Variants in CEP295NL observed in about 807,000 individuals in gnomAD.
CEP295NL encodes the protein protein DDC8 homolog.
A neutral mutation model predicts 4.6 loss-of-function variants in CEP295NL; 3 were observed. The observed-to-expected ratio is 0.65, with a 90% CI of 0.30 to 1.69. CEP295NL has a LOEUF of 1.69. Among genes scored for constraint, CEP295NL ranks in the 40% most tolerant of loss-of-function variants. The pLI is 0.10. For missense variants in CEP295NL, 719 were observed against 769.0 expected (o/e 0.93, Z 0.77); for synonymous variants, 295 against 312.2 (o/e 0.94, Z 0.58).
chr17:78,894,280 C>G (rs2069964157), intron 2 of CEP295NL, among the ~76,000 whole-genome samples: 1 of 151,974 alleles, frequency 6.6e-6, no homozygotes, highest in African/African-American at 2.4e-5. Context: ...GTGGCAGAGA[C>G]AGGCCCTCTG....
chr17:78,891,819 G>T lies in CEP295NL; in HGVS notation c.685C>A (p.Pro229Thr). 3.9e-6 allele frequency: 6 copies of T among 1,550,894 alleles called. No individual in the cohort carries two copies. Among genetic ancestry groups the T allele is most frequent in the Non-Finnish European group, 5.2e-6 (6 of 1,147,052 alleles). Reference sequence around the variant, plus strand: ...CGGCCACCCCCAGACTTGGTCGAAGGTTCTGGCCTTCCCTTTCTCTTCTCA... The same window carrying T: ...CGGCCACCCCCAGACTTGGTCGAAGTTTCTGGCCTTCCCTTTCTCTTCTCA... ...PPEKRKGRPE[P>T]STKSGGGRCA... Residue 229 changes from proline to threonine, a missense_variant, in exon 3 of 3, where the codon CCT (proline) becomes ACT (threonine). By Grantham distance (38) the Pro-to-Thr change is conservative. Transcript: ENST00000322630. This position sits in a 1 kb window ranked among gnomAD's most constrained non-coding sequence, Gnocchi z 4.5.
rs925617526 is a variant in CEP295NL, at chr17:78,891,865, C to G, written c.639G>C (p.Met213Ile). 6.4e-7 allele frequency: 1 copy of G among 1,550,564 alleles called. No individual in the cohort carries two copies. Among genetic ancestry groups the G allele is most frequent in the Non-Finnish European group, 8.7e-7 (1 of 1,147,020 alleles). Residue 213 changes from methionine to isoleucine, a missense_variant, in exon 3 of 3, where the codon ATG becomes ATC. Physicochemically the swap from Met to Ile is conservative, Grantham distance 10 (BLOSUM62 1). Transcript: ENST00000322630. This position sits in a 1 kb window ranked among gnomAD's most constrained non-coding sequence, Gnocchi z 4.5. The part of the protein sequence containing the change: ...KPQTTKATGR[M>I]NSHLAPPEKR... ...TCTCAGGCGGGGCCAGGTGAGAATT[C>G]ATCCGACCCGTGGCTTTTGTAGTCT...
chr17:78,899,895 T>A (rs1321088041), intron 2 of CEP295NL: 3 of 152,208 alleles, frequency 2.0e-5, no homozygotes, highest in African/African-American at 7.2e-5. Flanking sequence ...GCTTTGTCTT[T>A]GAAACATAAA....
Position 78,891,210 on chromosome 17 carries a change from T to A in CEP295NL, c.1294A>T (p.Asn432Tyr). ...DLKTFMGKAQ[N>Y]QKYQGTVKPT... ...TTGACCGTGCCCTGATATTTTTGGT[T>A]CTGGGCCTTGCCCATGAACGTTTTC... The change falls in exon 3 of 3, where the codon AAC becomes TAC. Residue 432 changes from asparagine (N) to tyrosine (Y), a missense_variant. Coordinates refer to ENST00000322630, the MANE Select transcript of CEP295NL (RefSeq NM_001243540.2). The surrounding 1 kb of genome is among the most constrained non-coding windows in gnomAD (Gnocchi z 4.5). 1 of 1,550,710 alleles carries A rather than the reference T, an allele frequency of 6.4e-7. No individual in the cohort carries two copies. The highest frequency in any genetic ancestry group is 8.7e-7 in the Non-Finnish European group (1 of 1,147,020).
Position 78,891,352 on chromosome 17 carries a change from C to T in CEP295NL, c.1152G>A (p.Glu384=). ...GEGHAFSEMQ[E]CGAGTPRGKK... ...TCCCTCTTGGGGTCCCAGCGCCACA[C>T]TCTTGCATCTCTGAGAAGGCATGCC... The change falls in exon 3 of 3, where the codon GAG becomes GAA. Residue 384 remains glutamate, a synonymous_variant. Coordinates refer to ENST00000322630, the MANE Select transcript of CEP295NL (RefSeq NM_001243540.2). This position sits in a 1 kb window ranked among gnomAD's most constrained non-coding sequence, Gnocchi z 4.5. 4 of 1,550,550 alleles carry T rather than the reference C, an allele frequency of 2.6e-6. No individual in the cohort carries two copies. The highest frequency in any genetic ancestry group is 3.5e-6 in the Non-Finnish European group (4 of 1,146,990).
intron 2 of CEP295NL, among the ~76,000 whole-genome samples, chr17:78,901,435 G>A (rs919538775): frequency 6.6e-6 from 1 of 152,140 alleles, no homozygotes; most frequent in African/African-American, 2.4e-5. Context: ...GACAGTTCTC[G>A]GGAGAGGAGG....
At chr17:78,892,505 G>T in intron 2 of CEP295NL, 46 bp from the exon 3 acceptor site, 1 of 1,504,222 alleles carries the variant, frequency 6.6e-7, no homozygotes, top group Non-Finnish European at 8.9e-7. Flanking sequence ...TCGCTCCCAG[G>T]AGAGTGAGCA....
intron 2 of CEP295NL, among the ~76,000 whole-genome samples, chr17:78,894,183 C>T (rs1047411627): frequency 4.0e-5 from 6 of 151,398 alleles, no homozygotes; most frequent in Admixed American, 2.0e-4. Context: ...CTTTGAGATA[C>T]GAAGCTCCTA....
rs2070101351 is a variant in CEP295NL at position 78,902,028 on chromosome 17, TG to T, written c.-98-103del. ...TCTAAAAATACCCTCCATGACACGCTGTGTGCTGCCAGAGGCTTGGTTTTCG... is the reference window on the plus strand; with the variant it reads ...TCTAAAAATACCCTCCATGACACGCTTGTGCTGCCAGAGGCTTGGTTTTCG... On this transcript the variant is annotated intron_variant, in intron 1 of 2. Coordinates refer to ENST00000322630, the MANE Select transcript of CEP295NL (RefSeq NM_001243540.2). The T allele has an allele frequency of 5.5e-6, 3 of 549,114 alleles. No individual in the cohort carries two copies. The South Asian group carries it at 6.9e-5, about 13-fold the overall frequency. The allele number at this position is 549,114 out of a possible 1,614,324, so 34.0% of individuals were successfully genotyped here.
At chr17:78,897,558 A>C (rs375119725) in intron 2 of CEP295NL, 2 of 152,198 alleles carry the variant, frequency 1.3e-5, no homozygotes, top group East Asian at 3.9e-4. Flanking sequence ...ACAGTGGGTG[A>C]CTCTCAATGT....
In CEP295NL at chr17:78,896,931, G is replaced by T; in HGVS notation, c.45-4472C>A. 1 of 985,362 alleles carries T rather than the reference G, an allele frequency of 1.0e-6. No homozygotes were observed. The allele number at this position is 985,362 out of a possible 1,614,324, so 61.0% of individuals were successfully genotyped here. A position where few individuals can be genotyped will look rare whatever the true frequency, so the allele number is the denominator to read the frequency against. ...TGTGCTTGGCCACCAGATTCCCAGC[G>T]ATTCTCACCAAAGTCAGGCAACCTC... On this transcript the variant is annotated intron_variant, in intron 2 of 2. Coordinates refer to ENST00000322630, the MANE Select transcript of CEP295NL (RefSeq NM_001243540.2). The surrounding 1 kb of genome is among the most constrained non-coding windows in gnomAD (Gnocchi z 4.4).
chr17:78,897,407 C>T (rs1204135037), intron 2 of CEP295NL: 7 of 152,242 alleles, frequency 4.6e-5, no homozygotes. Context: ...TGGCCGCCCA[C>T]CCCAGTCCCC....
intron 2 of CEP295NL, among the ~76,000 whole-genome samples, chr17:78,893,943 T>A (rs2069958872): frequency 6.6e-6 from 1 of 152,140 alleles, no homozygotes; most frequent in Non-Finnish European, 1.5e-5. Context: ...CAGGAAAGGC[T>A]AAGGGACAGC....
chr17:78,893,871 G>C (rs1317058552), intron 2 of CEP295NL, among the ~76,000 whole-genome samples: 3 of 152,144 alleles, frequency 2.0e-5, no homozygotes, highest in Non-Finnish European at 4.4e-5. Flanking sequence ...CACCAAAACA[G>C]TACGGGATTG....
chr17:78,892,760 G>C (rs375183654), intron 2 of CEP295NL, among the ~76,000 whole-genome samples: 2 of 152,060 alleles, frequency 1.3e-5, no homozygotes, highest in South Asian at 2.1e-4. Context: ...GAGGTGCTCC[G>C]GGCCTGCAGC....
chr17:78,891,017 ACT>A lies in CEP295NL; in HGVS notation c.1485_1486del (p.Arg495SerfsTer26). ...CCTTTGCCTGGATGCCGTCGAGCCC[ACT>A]CTGTCTGCCTGGTCTTGAAGGTGGA... On this transcript the variant is annotated frameshift_variant, in exon 3 of 3. Transcript: ENST00000322630. LOFTEE classifies it low-confidence loss of function (END_TRUNC). This position sits in a 1 kb window ranked among gnomAD's most constrained non-coding sequence, Gnocchi z 4.5. 2.6e-6 allele frequency: 4 copies of A among 1,550,754 alleles called. No homozygotes were observed. The highest frequency in any genetic ancestry group is 2.7e-5 in the African/African-American group (2 of 72,980).
chr17:78,892,288 T>A lies in CEP295NL; in HGVS notation c.216A>T (p.Glu72Asp). 1 of 1,550,762 alleles carries A rather than the reference T, an allele frequency of 6.4e-7. No homozygotes were observed. Among genetic ancestry groups the A allele is most frequent in the Non-Finnish European group, 8.7e-7 (1 of 1,147,032 alleles). ...TGTGCTTTTTCCTCCAAAGCAGGTCTTCGTTATCAGGACAGAGGCTCAGCC... is the reference window on the plus strand; with the variant it reads ...TGTGCTTTTTCCTCCAAAGCAGGTCATCGTTATCAGGACAGAGGCTCAGCC... ...AMWLSLCPDN[E>D]DLLWRKKHKL... Residue 72 changes from glutamate to aspartate, a missense_variant, in exon 3 of 3, where the codon GAA becomes GAT. By Grantham distance (45) the Glu-to-Asp change is conservative. Transcript: ENST00000322630.
chr17:78,892,589 G>T, intron 2 of CEP295NL, 130 bp from the exon 3 acceptor site: 1 of 1,401,076 alleles, frequency 7.1e-7, no homozygotes, highest in Non-Finnish European at 9.5e-7. Flanking sequence ...AAGCTCTCTT[G>T]ACCCGTGCCC....
At chr17:78,895,016 C>A (rs1482536275) in intron 2 of CEP295NL, among the ~76,000 whole-genome samples, 1 of 152,158 alleles carries the variant, frequency 6.6e-6, no homozygotes, top group Non-Finnish European at 1.5e-5. Flanking sequence ...TGTGGCAGCT[C>A]ACACCTGTAA....
Sources: gnomAD v4.1 joint callset for allele counts (sites outside exome capture counted in the v4.1 genomes callset) on GRCh38, gnomAD v4.1.1 for gene constraint, Gnocchi (gnomAD v3.1) non-coding constraint, MANE v1.5 for transcripts, NCBI Gene and HGNC (gene_info 2026-07-23, HGNC 2026-07-21) for gene names.